The following FOXN3 variants were observed in gnomAD, a reference collection of about 807,000 sequenced individuals.
FOXN3 encodes forkhead box N3.
FOXN3 carries 7 observed loss-of-function variants against 38.4 expected under a neutral mutation model. The observed-to-expected ratio is 0.18, with a 90% CI of 0.10 to 0.34. FOXN3 has a LOEUF of 0.34. Among genes scored for constraint, FOXN3 ranks in the 10% least tolerant of loss-of-function variants. The probability of loss-of-function intolerance (pLI) is 1.00; values close to 1 mark genes in which losing one functional copy is unlikely to be tolerated. For missense variants in FOXN3, 456 were observed against 613.4 expected (o/e 0.74, Z 2.71); for synonymous variants, 230 against 242.2 (o/e 0.95, Z 0.47).
rs184917588 is a variant in FOXN3 at position 89,511,015 on chromosome 14, C to T, written c.-14-98525G>A. On this transcript the variant is annotated intron_variant, in intron 1 of 6. Transcript: ENST00000345097. Reference sequence around the variant, plus strand: ...AAAGGCTTCTTCTCCTGTTCCATTACAAAAGTGCATGCCTGACCAATGCAG... The same window carrying T: ...AAAGGCTTCTTCTCCTGTTCCATTATAAAAGTGCATGCCTGACCAATGCAG... 1.4e-3 allele frequency among the ~76,000 whole-genome samples: 209 copies of T among 152,152 alleles called. 1 individual carries two copies. The highest frequency in any genetic ancestry group is 8.1e-3 in the South Asian group (39 of 4,816).
chr14:89,178,032 TG>T (rs752340532), intron 5 of FOXN3, among the ~76,000 whole-genome samples: 1 of 152,108 alleles, frequency 6.6e-6, no homozygotes, highest in Non-Finnish European at 1.5e-5. Flanking sequence ...GATTTTTACA[TG>T]GTCTCACTCT....
At chr14:89,312,193 G>A (rs143780182) in intron 3 of FOXN3, among the ~76,000 whole-genome samples, 14 of 145,978 alleles carry the variant, frequency 9.6e-5, no homozygotes, top group African/African-American at 3.0e-4. Flanking sequence ...GCTGAGGAAT[G>A]AGAGTCACAT....
intron 1 of FOXN3, among the ~76,000 whole-genome samples, chr14:89,489,077 C>T (rs888213113): frequency 1.7e-4 from 26 of 152,178 alleles, no homozygotes; most frequent in Non-Finnish European, 3.5e-4. Context: ...TCATGTCACA[C>T]CAAGGCTAGG....
At position 89,564,569 on chromosome 14, in the gene FOXN3, GGT is replaced by G. The variant is rs1280285211; in HGVS notation, c.-15+54457_-15+54458del. 2.6e-5 allele frequency among the ~76,000 whole-genome samples: 4 copies of G among 152,196 alleles called. No homozygotes were observed. In the East Asian group the frequency reaches 7.7e-4, roughly 29 times the overall value. On this transcript the variant is annotated intron_variant, in intron 1 of 6. Coordinates refer to the FOXN3 transcript ENST00000345097. ...AAGCTCTGAATGTACAGTTGAAGGTGGTAATGATTCACCGCAGTTTAAAGTCT... is the reference window on the plus strand; with the variant it reads ...AAGCTCTGAATGTACAGTTGAAGGTGAATGATTCACCGCAGTTTAAAGTCT...
intron 1 of FOXN3, among the ~76,000 whole-genome samples, chr14:89,496,977 T>C (rs867081964): frequency 2.0e-5 from 3 of 152,190 alleles, no homozygotes; most frequent in African/African-American, 4.8e-5. Flanking sequence ...TTTTTTGAGA[T>C]GGAGTCTTGC....
chr14:89,196,315 A>G (rs1249250527), intron 4 of FOXN3, among the ~76,000 whole-genome samples: 1 of 152,196 alleles, frequency 6.6e-6, no homozygotes, highest in Non-Finnish European at 1.5e-5. Context: ...AGATGGTTCC[A>G]TGGGTTGTGG....
chr14:89,225,733 C>T (rs185319483), intron 4 of FOXN3, among the ~76,000 whole-genome samples: 3 of 152,342 alleles, frequency 2.0e-5, no homozygotes, highest in Admixed American at 1.3e-4. Flanking sequence ...GTTTGCCTTA[C>T]ACACAGGTTC....
At chr14:89,571,868 T>A (rs548195401) in intron 1 of FOXN3, among the ~76,000 whole-genome samples, 4 of 152,256 alleles carry the variant, frequency 2.6e-5, no homozygotes, top group Non-Finnish European at 5.9e-5. Context: ...AGATACCTGG[T>A]ATTACTGAGT....
At chr14:89,586,223 G>C (rs1179224031) in intron 1 of FOXN3, among the ~76,000 whole-genome samples, 1 of 152,128 alleles carries the variant, frequency 6.6e-6, no homozygotes, top group Non-Finnish European at 1.5e-5. Context: ...GCATGGACAG[G>C]CTTCAAATCT....
intron 1 of FOXN3, among the ~76,000 whole-genome samples, chr14:89,571,970 G>C (rs1156690436): frequency 6.6e-6 from 1 of 152,182 alleles, no homozygotes; most frequent in Non-Finnish European, 1.5e-5. Flanking sequence ...TATAGATGAA[G>C]AAATAAATGC....
rs974265508 is a variant in FOXN3 at position 89,447,036 on chromosome 14, A to C, written c.-14-34546T>G. Among the ~76,000 whole-genome samples the C allele has an allele frequency of 3.3e-5, 5 of 152,076 alleles. No homozygotes were observed. The South Asian group carries it at 6.2e-4, about 19-fold the overall frequency. On this transcript the variant is annotated intron_variant, in intron 1 of 6. Coordinates refer to the FOXN3 transcript ENST00000345097. Reference sequence around the variant, plus strand: ...ACATGGAGAAACCCCGTCTCTACTAAAAATACAAAATTAGCCGGGTGTGGT... The same window carrying C: ...ACATGGAGAAACCCCGTCTCTACTACAAATACAAAATTAGCCGGGTGTGGT...
chr14:89,518,426 C>A (rs1894250895), intron 1 of FOXN3, among the ~76,000 whole-genome samples: 1 of 152,184 alleles, frequency 6.6e-6, no homozygotes, highest in Non-Finnish European at 1.5e-5. Context: ...GAGGGGCACA[C>A]ACCTATCCCA....
chr14:89,509,112 C>T (rs1894005917), intron 1 of FOXN3, among the ~76,000 whole-genome samples: 1 of 152,064 alleles, frequency 6.6e-6, no homozygotes, highest in Non-Finnish European at 1.5e-5. Context: ...CCCTGACCTC[C>T]CTGATAGTCT....
Position 89,447,192 on chromosome 14 carries a change from G to A in FOXN3, c.-14-34702C>T, listed in dbSNP as rs377733555. Among the ~76,000 whole-genome samples the A allele has an allele frequency of 9.7e-4, 132 of 136,680 alleles. 3 individuals carry two copies. In the East Asian group the frequency reaches 0.021, roughly 21 times the overall value. The allele number at this position is 136,680 out of a possible 152,430, so 89.7% of individuals were successfully genotyped here. A position where few individuals can be genotyped will look rare whatever the true frequency, so the allele number is the denominator to read the frequency against. ...GCCTGGACAACAAGAGCAAAACTCC[G>A]TCACAAAAAGGAAAAAAAAAAAAAA... On this transcript the variant is annotated intron_variant, in intron 1 of 6. Transcript: ENST00000345097.
At chr14:89,456,305 G>A (rs575051442) in intron 1 of FOXN3, among the ~76,000 whole-genome samples, 1 of 152,178 alleles carries the variant, frequency 6.6e-6, no homozygotes, top group African/African-American at 2.4e-5. Context: ...ATTTATGTGG[G>A]TATCCCAGGC....
At chr14:89,554,933 C>T (rs551424589) in intron 1 of FOXN3, among the ~76,000 whole-genome samples, 7 of 151,976 alleles carry the variant, frequency 4.6e-5, no homozygotes, top group African/African-American at 7.2e-5. Context: ...TGATTACAGG[C>T]ACCCAGCACC....
intron 4 of FOXN3, among the ~76,000 whole-genome samples, chr14:89,192,010 A>C (rs1013598511): frequency 7.0e-6 from 1 of 143,642 alleles, no homozygotes; most frequent in African/African-American, 2.7e-5. Flanking sequence ...TAATATAATT[A>C]ATCATTAATC....
At chr14:89,373,882 T>A (rs1890394876) in intron 2 of FOXN3, among the ~76,000 whole-genome samples, 1 of 152,158 alleles carries the variant, frequency 6.6e-6, no homozygotes, top group Non-Finnish European at 1.5e-5. Flanking sequence ...TACAACTACA[T>A]ACCACTGGAA....
chr14:89,420,859 G>C (rs1891885157), upstream of FOXN3, among the ~76,000 whole-genome samples: 2 of 143,050 alleles, frequency 1.4e-5, no homozygotes, highest in African/African-American at 5.2e-5. Flanking sequence ...TTTGAGCCCA[G>C]AAGTTGTATT....
Sources: allele counts gnomAD v4.1 joint callset (sites outside exome capture counted in the v4.1 genomes callset), GRCh38; gene constraint gnomAD v4.1.1; transcripts MANE v1.5; gene names NCBI Gene and HGNC (gene_info 2026-07-23, HGNC 2026-07-21).